AFF4: variants seen among roughly 807,000 people sequenced by gnomAD.
AFF4 encodes the protein AF4/FMR2 family member 4.
In AFF4, 13 loss-of-function variants were observed where a neutral mutation model predicts 124.8. The observed-to-expected ratio is 0.10, with a 90% confidence interval of 0.07 to 0.17. The LOEUF (loss-of-function observed/expected upper bound fraction) is 0.17. AFF4 is among the 10% of genes least tolerant of loss of function. The pLI, the probability that AFF4 is intolerant of heterozygous loss-of-function variation, is 1.00. For missense variants in AFF4, 1,092 were observed against 1,403.8 expected (o/e 0.78, Z 3.55); for synonymous variants, 477 against 496.1 (o/e 0.96, Z 0.51).
At chr5:132,931,793 A>C (rs866433409) in intron 4 of AFF4, among the ~76,000 whole-genome samples, 1 of 152,110 alleles carries the variant, frequency 6.6e-6, no homozygotes, top group Non-Finnish European at 1.5e-5. Context: ...AAAATACAAA[A>C]ATCAGCCGGG....
At chr5:132,917,450 T>C (rs968684526) in intron 5 of AFF4, among the ~76,000 whole-genome samples, 2 of 152,076 alleles carry the variant, frequency 1.3e-5, no homozygotes, top group Non-Finnish European at 2.9e-5. Context: ...TCCTCTATGA[T>C]AAAAAATAAG....
intron 1 of AFF4, among the ~76,000 whole-genome samples, chr5:132,948,918 T>A (rs1002152919): frequency 1.3e-5 from 2 of 152,156 alleles, no homozygotes; most frequent in Non-Finnish European, 2.9e-5. Context: ...TACACTTTGA[T>A]GAATTATGTG....
intron 5 of AFF4, among the ~76,000 whole-genome samples, chr5:132,923,753 A>C (rs1761107285): frequency 1.3e-5 from 2 of 152,202 alleles, no homozygotes; most frequent in African/African-American, 4.8e-5. Flanking sequence ...AAATAAAATA[A>C]ATAAGTAAAA....
chr5:132,894,920 C>T (rs1179532340), intron 11 of AFF4, among the ~76,000 whole-genome samples: 2 of 151,880 alleles, frequency 1.3e-5, no homozygotes, highest in Non-Finnish European at 2.9e-5. Context: ...CCATGGCACT[C>T]CAGCCTAGGT....
At chr5:132,897,691 C>T (rs1760444081) in intron 10 of AFF4, among the ~76,000 whole-genome samples, 2 of 143,668 alleles carry the variant, frequency 1.4e-5, no homozygotes, top group Non-Finnish European at 3.0e-5. Flanking sequence ...GCCTGGGTGA[C>T]AGAGTAAGAC....
At chr5:132,960,400 TAAG>T (rs1762056954) in intron 1 of AFF4, among the ~76,000 whole-genome samples, 1 of 152,216 alleles carries the variant, frequency 6.6e-6, no homozygotes, top group South Asian at 2.1e-4. Flanking sequence ...TCTCAATACT[TAAG>T]AATACCTCTT....
rs1348850829 is a variant in AFF4 at position 132,917,711 on chromosome 5, T to C, written c.1050+9410A>G. ...TTTCTTTTTCTTTTCTTTTCTTTTT[T>C]TTTTTTTTTTTTTTTTTTTGAGACA... On this transcript the variant is annotated intron_variant, in intron 5 of 20. Coordinates refer to ENST00000265343, the MANE Select transcript of AFF4 (RefSeq NM_014423.4). 3.7e-3 allele frequency among the ~76,000 whole-genome samples: 487 copies of C among 131,464 alleles called. 1 individual carries two copies. Among genetic ancestry groups the C allele is most frequent in the East Asian group, 0.021 (96 of 4,602 alleles). 86.2% of individuals were successfully genotyped at this position (131,464 alleles called of 152,430 possible).
At chr5:132,961,170 A>C (rs1762073277) in intron 1 of AFF4, among the ~76,000 whole-genome samples, 1 of 152,096 alleles carries the variant, frequency 6.6e-6, no homozygotes, top group Non-Finnish European at 1.5e-5. Context: ...GGTTGCAGTG[A>C]GCAGAGATGG....
At chr5:132,959,127 ATTTTT>A (rs70974064) in intron 1 of AFF4, among the ~76,000 whole-genome samples, 6 of 143,250 alleles carry the variant, frequency 4.2e-5, no homozygotes, top group African/African-American at 1.3e-4. Context: ...CAGGTTACAG[ATTTTT>A]TTTTTTTTTT....
intron 1 of AFF4, among the ~76,000 whole-genome samples, chr5:132,940,926 C>T (rs927865839): frequency 1.3e-5 from 2 of 151,898 alleles, no homozygotes; most frequent in African/African-American, 4.8e-5. Context: ...ACTCAGGAGG[C>T]TGATGCAGGA....
At chr5:132,921,000 G>A (rs148648746) in intron 5 of AFF4, among the ~76,000 whole-genome samples, 66 of 152,022 alleles carry the variant, frequency 4.3e-4, no homozygotes, top group Non-Finnish European at 8.4e-4. Flanking sequence ...GGTGGCAGGC[G>A]CCTGCAGTCC....
At position 132,908,117 on chromosome 5, in the gene AFF4, CTTTT is replaced by C. The variant is rs34166509; in HGVS notation, c.1051-3717_1051-3714del. 6.7e-3 allele frequency among the ~76,000 whole-genome samples: 965 copies of C among 143,382 alleles called. 8 individuals are homozygous for C. The highest frequency in any genetic ancestry group is 0.023 in the African/African-American group (917 of 39,248). The allele number at this position is 143,382 out of a possible 152,430, so 94.1% of individuals were successfully genotyped here. A position where few individuals can be genotyped will look rare whatever the true frequency, so the allele number is the denominator to read the frequency against. Reference sequence around the variant, plus strand: ...CAGCTTAAACAAGTTTGTCTTCCAGCTTTTTTTTTTTTAATCATATACTCCATTA... The same window carrying C: ...CAGCTTAAACAAGTTTGTCTTCCAGCTTTTTTTTAATCATATACTCCATTA... On this transcript the variant is annotated intron_variant, in intron 5 of 20. Transcript: ENST00000265343.
intron 2 of AFF4, among the ~76,000 whole-genome samples, 193 bp from the exon 3 acceptor site, chr5:132,935,134 A>C (rs1761395613): frequency 6.6e-6 from 1 of 152,166 alleles, no homozygotes; most frequent in Non-Finnish European, 1.5e-5. Flanking sequence ...AAATCATTGA[A>C]AAGTGCCTAA....
chr5:132,959,254 T>TA (rs1012427156), intron 1 of AFF4, among the ~76,000 whole-genome samples: 5 of 151,886 alleles, frequency 3.3e-5, no homozygotes, highest in African/African-American at 1.2e-4. Context: ...GCCTCCCAAG[T>TA]AGCTGGGACT....
intron 14 of AFF4, 64 bp from the exon 15 acceptor site, chr5:132,888,224 G>T: frequency 1.6e-6 from 2 of 1,213,468 alleles, no homozygotes; most frequent in Non-Finnish European, 2.3e-6. Flanking sequence ...GTTCATTTCA[G>T]TATCTAGTAT....
chr5:132,893,422 T>C (rs552056354), intron 11 of AFF4, among the ~76,000 whole-genome samples: 75 of 152,350 alleles, frequency 4.9e-4, no homozygotes, highest in Non-Finnish European at 9.8e-4. Flanking sequence ...TTACATAACA[T>C]AAAATTCACT....
At chr5:132,961,259 C>T (rs1273797746) in intron 1 of AFF4, among the ~76,000 whole-genome samples, 1 of 152,136 alleles carries the variant, frequency 6.6e-6, no homozygotes, top group Non-Finnish European at 1.5e-5. Flanking sequence ...AAGCGATTCT[C>T]GTGCCTCAGC....
chr5:132,908,338 T>A (rs1760715376), intron 5 of AFF4, among the ~76,000 whole-genome samples: 1 of 152,152 alleles, frequency 6.6e-6, no homozygotes, highest in Non-Finnish European at 1.5e-5. Context: ...TTCAAAGGTA[T>A]GACGCTAAGA....
chr5:132,902,916 ATAAAT>A (rs1248534092), intron 6 of AFF4, among the ~76,000 whole-genome samples: 1 of 152,240 alleles, frequency 6.6e-6, no homozygotes, highest in Non-Finnish European at 1.5e-5. Context: ...GACTAGTGAA[ATAAAT>A]TAAGATATTT....
Sources: gnomAD v4.1 joint callset for allele counts (sites outside exome capture counted in the v4.1 genomes callset) on GRCh38, gnomAD v4.1.1 for gene constraint, MANE v1.5 for transcripts, NCBI Gene and HGNC (gene_info 2026-07-23, HGNC 2026-07-21) for gene names.